The following FBXW7 variants were observed in gnomAD, a reference collection of about 807,000 sequenced individuals.
FBXW7 encodes F-box/WD repeat-containing protein 7.
A neutral mutation model predicts 86.3 loss-of-function variants in FBXW7; 11 were observed. That is an observed-to-expected ratio of 0.13 (90% CI 0.08 to 0.21). FBXW7 has a LOEUF of 0.21. Among genes scored for constraint, FBXW7 ranks in the 10% least tolerant of loss-of-function variants. The pLI, the probability that FBXW7 is intolerant of heterozygous loss-of-function variation, is 1.00. For missense variants in FBXW7, 488 were observed against 847.4 expected (o/e 0.58, Z 5.27); for synonymous variants, 313 against 297.9 (o/e 1.05, Z -0.52).
chr4:152,522,325 TTTAGA>T (rs1402743770), intron 2 of FBXW7, among the ~76,000 whole-genome samples: 3 of 152,298 alleles, frequency 2.0e-5, no homozygotes, highest in East Asian at 1.9e-4. Flanking sequence ...TGTAAGGACT[TTTAGA>T]TTAATTTTGG....
intron 4 of FBXW7, among the ~76,000 whole-genome samples, chr4:152,362,846 A>AG (rs1733111848): frequency 6.6e-6 from 1 of 151,590 alleles, no homozygotes; most frequent in Non-Finnish European, 1.5e-5. Context: ...AAAAAAAAAA[A>AG]AAACAACAAG....
At chr4:152,430,650 G>A (rs756899135) in intron 2 of FBXW7, among the ~76,000 whole-genome samples, 8 of 152,122 alleles carry the variant, frequency 5.3e-5, no homozygotes, top group Non-Finnish European at 8.8e-5. Context: ...GTCAGTGGTG[G>A]TGGTGGTGGT....
At chr4:152,358,609 G>C (rs904998298) in intron 4 of FBXW7, among the ~76,000 whole-genome samples, 1 of 151,978 alleles carries the variant, frequency 6.6e-6, no homozygotes, top group African/African-American at 2.4e-5. Context: ...CTCTTTGTTT[G>C]TGGAATGAAC....
intron 10 of FBXW7, 51 bp from the exon 11 acceptor site, chr4:152,328,440 T>C: frequency 8.0e-7 from 1 of 1,256,464 alleles, no homozygotes; most frequent in Non-Finnish European, 1.1e-6. Flanking sequence ...AAAAGTGATT[T>C]AAATAAAATT....
intron 2 of FBXW7, among the ~76,000 whole-genome samples, chr4:152,529,014 C>G (rs1047429185): frequency 1.3e-5 from 2 of 151,962 alleles, no homozygotes; most frequent in African/African-American, 4.8e-5. Flanking sequence ...GACAAATTAA[C>G]AGCAAGAATT....
chr4:152,358,945 T>C (rs1037777536), intron 4 of FBXW7, among the ~76,000 whole-genome samples: 2 of 152,158 alleles, frequency 1.3e-5, no homozygotes, highest in African/African-American at 4.8e-5. Flanking sequence ...TCTTACTGAT[T>C]TCCATTAGAT....
rs2149752444 is a variant in FBXW7 at position 152,533,108 on chromosome 4, T to C, written c.-120+1833A>G. Among the ~76,000 whole-genome samples, 3 of 151,982 alleles carry C rather than the reference T, an allele frequency of 2.0e-5. No homozygotes were observed. In the East Asian group the frequency reaches 5.8e-4, roughly 29 times the overall value. ...GGGAGGCTGAGGCATGAGAATCGCTTGAACCTGGGAGGCGGAGGTTGCAGT... is the reference window on the plus strand; with the variant it reads ...GGGAGGCTGAGGCATGAGAATCGCTCGAACCTGGGAGGCGGAGGTTGCAGT... On this transcript the variant is annotated intron_variant, in intron 2 of 13. Coordinates refer to ENST00000281708, the MANE Select transcript of FBXW7 (RefSeq NM_001349798.2).
Position 152,328,293 on chromosome 4 carries a change from C to A in FBXW7, c.1333G>T (p.Val445Leu), listed in dbSNP as rs776371212. 3.1e-6 allele frequency: 5 copies of A among 1,600,746 alleles called. No individual in the cohort carries two copies. The highest frequency in any genetic ancestry group is 4.3e-6 in the Non-Finnish European group (5 of 1,174,444). The change falls in exon 11 of 14, where the codon GTG becomes TTG. Residue 445 changes from valine (V) to leucine (L), a missense_variant. Physicochemically the swap from Val to Leu is conservative, Grantham distance 32 (BLOSUM62 1). Around this residue, in one of 4 missense-constraint regions of FBXW7, gnomAD observed 142 missense variants for 406.6 expected, o/e 0.35. Transcript: ENST00000281708. ...CATTCTCCAGTCTCTGCATTCCACA[C>A]TTTGAGTGTCCGATCTGTAGATCCA... Reference protein sequence around the residue: ...ISGSTDRTLKVWNAETGECIH... With the variant: ...ISGSTDRTLKLWNAETGECIH...
chr4:152,391,593 G>A (rs1016188048), intron 4 of FBXW7, among the ~76,000 whole-genome samples: 6 of 152,160 alleles, frequency 3.9e-5, no homozygotes, highest in Non-Finnish European at 8.8e-5. Flanking sequence ...ATAGGGCTTA[G>A]AAAATACGTA....
intron 4 of FBXW7, among the ~76,000 whole-genome samples, chr4:152,361,051 A>G (rs767470669): frequency 6.6e-5 from 10 of 151,982 alleles, no homozygotes; most frequent in Non-Finnish European, 1.5e-4. Flanking sequence ...GTGAATTCAA[A>G]CTGATTTCAC....
At chr4:152,371,712 G>A (rs1286770737) in intron 4 of FBXW7, among the ~76,000 whole-genome samples, 1 of 151,998 alleles carries the variant, frequency 6.6e-6, no homozygotes, top group Admixed American at 6.6e-5. Context: ...TCTCAGGACC[G>A]CTAAAATGTT....
intron 2 of FBXW7, among the ~76,000 whole-genome samples, chr4:152,516,830 TTTTG>T (rs1480136052): frequency 6.6e-6 from 1 of 152,164 alleles, no homozygotes; most frequent in African/African-American, 2.4e-5. Flanking sequence ...TTTCCGCTTT[TTTTG>T]TTTGTTTTTG....
chr4:152,510,872 G>A (rs900558489), intron 2 of FBXW7, among the ~76,000 whole-genome samples: 2 of 152,034 alleles, frequency 1.3e-5, no homozygotes, highest in African/African-American at 4.8e-5. Flanking sequence ...CAAATGAATA[G>A]AAAGTTGCTG....
chr4:152,465,572 C>T (rs1743330881), intron 2 of FBXW7, among the ~76,000 whole-genome samples: 1 of 152,066 alleles, frequency 6.6e-6, no homozygotes, highest in African/African-American at 2.4e-5. Flanking sequence ...TGGCCAGGCG[C>T]GGTGGCTCAT....
chr4:152,370,975 A>C (rs1041220652), intron 4 of FBXW7, among the ~76,000 whole-genome samples: 2 of 151,302 alleles, frequency 1.3e-5, no homozygotes, highest in Non-Finnish European at 2.9e-5. Context: ...TTTACCCTTC[A>C]TATTTTAGGA....
At chr4:152,336,506 A>G (rs1439066020) in intron 7 of FBXW7, among the ~76,000 whole-genome samples, 3 of 152,094 alleles carry the variant, frequency 2.0e-5, no homozygotes, top group African/African-American at 7.2e-5. Flanking sequence ...GGATATCACT[A>G]AGTAAACTAC....
At chr4:152,445,028 G>A (rs577957761) in intron 2 of FBXW7, among the ~76,000 whole-genome samples, 2 of 152,192 alleles carry the variant, frequency 1.3e-5, no homozygotes, top group South Asian at 2.1e-4. Context: ...GTTTTGCCAC[G>A]TGTCCCAGGC....
chr4:152,432,976 A>C (rs976152249), intron 2 of FBXW7, among the ~76,000 whole-genome samples: 23 of 152,292 alleles, frequency 1.5e-4, no homozygotes, highest in African/African-American at 5.3e-4. Context: ...TGATGTTTAT[A>C]TGACTCATGC....
Position 152,337,795 on chromosome 4 carries a change from T to C in FBXW7, c.861+7A>G. 6.2e-7 allele frequency: 1 copy of C among 1,603,630 alleles called. No individual in the cohort carries two copies. On this transcript the variant is annotated splice_region_variant and intron_variant, in intron 7 of 13. Transcript: ENST00000281708. ...ACCCAATGAAGAATGTAATTGATAA[T>C]CTTTACCTCTTTAGGGAGCAATGAA...
Sources: allele counts gnomAD v4.1 joint callset (sites outside exome capture counted in the v4.1 genomes callset), GRCh38; gene constraint gnomAD v4.1.1; regional missense constraint gnomAD v4.1.1; transcripts MANE v1.5; gene names NCBI Gene and HGNC (gene_info 2026-07-23, HGNC 2026-07-21).